Variants in FAM163A observed in about 807,000 individuals in gnomAD.
FAM163A encodes the protein family with sequence similarity 163 member A.
A neutral mutation model predicts 12.0 loss-of-function variants in FAM163A; 7 were observed. The ratio of observed to expected loss-of-function variants is 0.58; its 90% confidence interval spans 0.33 to 1.10. The LOEUF is 1.10. FAM163A is among the 50% of genes least tolerant of loss of function. The probability of loss-of-function intolerance (pLI) is 0.03; values close to 1 mark genes in which losing one functional copy is unlikely to be tolerated. For missense variants in FAM163A, 202 were observed against 218.6 expected, an observed-to-expected ratio of 0.92 and a Z score of 0.48; for synonymous variants, 101 against 91.0, an observed-to-expected ratio of 1.11 and a Z score of -0.62.
chr1:179,779,686 G>T (rs550722795), intron 1 of FAM163A, among the ~76,000 whole-genome samples: 1 of 152,174 alleles, frequency 6.6e-6, no homozygotes, highest in African/African-American at 2.4e-5. Flanking sequence ...GCTCATATGG[G>T]CTTTTTACTA....
At chr1:179,804,925 C>G (rs376484333) in intron 1 of FAM163A, among the ~76,000 whole-genome samples, 8 of 152,308 alleles carry the variant, frequency 5.3e-5, no homozygotes, top group African/African-American at 1.9e-4. Context: ...ACCTGTGTGA[C>G]AAACCTGCAC....
At chr1:179,732,686 A>C in the FAM163A span, among the ~76,000 whole-genome samples, 1 of 151,834 alleles carries the variant, frequency 6.6e-6, no homozygotes, top group African/African-American at 2.4e-5. Context: ...GCGGAGACCA[A>C]CCTGGGCAAC....
At chr1:179,765,651 A>G (rs1192218700) in intron 1 of FAM163A, among the ~76,000 whole-genome samples, 1 of 150,440 alleles carries the variant, frequency 6.6e-6, no homozygotes, top group Admixed American at 6.6e-5. Context: ...GTTAATAACA[A>G]CTGGTTAAGG....
the FAM163A span, among the ~76,000 whole-genome samples, chr1:179,736,109 T>C: frequency 2.6e-5 from 4 of 152,206 alleles, no homozygotes; most frequent in Non-Finnish European, 5.9e-5. Context: ...ATCTTCCTGA[T>C]ACTGGTTTTG....
the FAM163A span, among the ~76,000 whole-genome samples, chr1:179,735,735 C>T: frequency 3.3e-5 from 5 of 151,926 alleles, no homozygotes; most frequent in Non-Finnish European, 5.9e-5. Context: ...CATCTCCTGA[C>T]CTCGTGATCA....
At position 179,758,811 on chromosome 1, in the gene FAM163A, A is replaced by G. The variant is rs1686400379; in HGVS notation, c.-136+15388A>G. On this transcript the variant is annotated intron_variant, in intron 1 of 4. Transcript: ENST00000341785. ...CTGGGGCTGCCTCAGCCCCTTCCTT[A>G]GGACCCCCAGACTTCCCCACAGTCT... Among the ~76,000 whole-genome samples the G allele has an allele frequency of 2.0e-5, 3 of 152,242 alleles. No homozygotes were observed. In the South Asian group the frequency reaches 6.2e-4, roughly 32 times the overall value.
At chr1:179,811,841 G>C (rs1694748505) in intron 2 of FAM163A, among the ~76,000 whole-genome samples, 1 of 152,198 alleles carries the variant, frequency 6.6e-6, no homozygotes, top group Admixed American at 6.5e-5. Context: ...GGTCGGAGGA[G>C]AGGAGTCCAT....
intron 1 of FAM163A, among the ~76,000 whole-genome samples, chr1:179,764,676 G>A (rs61828398): frequency 0.11 from 17,362 of 152,106 alleles, 1,099 homozygotes; most frequent in Non-Finnish European, 0.13. Flanking sequence ...CTGCTTCAGA[G>A]AAACGGCTGT....
intron 1 of FAM163A, among the ~76,000 whole-genome samples, chr1:179,790,186 A>T (rs1571495509): frequency 6.7e-6 from 1 of 150,098 alleles, no homozygotes; most frequent in Admixed American, 6.6e-5. Context: ...TACTATTAAC[A>T]GGAGTGGGAA....
upstream of FAM163A, among the ~76,000 whole-genome samples, chr1:179,740,243 A>T (rs1683475543): frequency 6.6e-6 from 1 of 152,056 alleles, no homozygotes; most frequent in Non-Finnish European, 1.5e-5. Context: ...CGGTGGTTCA[A>T]TCCTAGCTTA....
At chr1:179,774,450 C>G (rs1210695101) in intron 1 of FAM163A, among the ~76,000 whole-genome samples, 1 of 152,172 alleles carries the variant, frequency 6.6e-6, no homozygotes, top group Non-Finnish European at 1.5e-5. Context: ...GGCAGAATTC[C>G]CTATGTGCTT....
At chr1:179,732,733 T>A in the FAM163A span, among the ~76,000 whole-genome samples, 1 of 151,530 alleles carries the variant, frequency 6.6e-6, no homozygotes, top group African/African-American at 2.4e-5. Context: ...ATACAAAAAT[T>A]AGCCAGGCGT....
At chr1:179,793,401 A>G (rs1691803505) in intron 1 of FAM163A, among the ~76,000 whole-genome samples, 1 of 152,230 alleles carries the variant, frequency 6.6e-6, no homozygotes, top group African/African-American at 2.4e-5. Flanking sequence ...TGCAAATCAG[A>G]AGGCTCATCA....
At chr1:179,803,148 G>A (rs1412845184) in intron 1 of FAM163A, among the ~76,000 whole-genome samples, 1 of 151,924 alleles carries the variant, frequency 6.6e-6, no homozygotes, top group Admixed American at 6.6e-5. Flanking sequence ...CAGGTAACAG[G>A]GAAAAAAACT....
intron 1 of FAM163A, among the ~76,000 whole-genome samples, chr1:179,772,495 T>C (rs939765071): frequency 6.6e-6 from 1 of 152,216 alleles, no homozygotes; most frequent in African/African-American, 2.4e-5. Context: ...ATGCACATTC[T>C]CAGGCCCCAT....
intron 1 of FAM163A, among the ~76,000 whole-genome samples, chr1:179,769,340 A>T (rs925330569): frequency 1.3e-5 from 2 of 150,710 alleles, no homozygotes; most frequent in African/African-American, 4.9e-5. Context: ...TTTTGTAGAG[A>T]TGGGATCTCA....
chr1:179,756,603 G>A (rs1216825251), intron 1 of FAM163A, among the ~76,000 whole-genome samples: 1 of 152,218 alleles, frequency 6.6e-6, no homozygotes, highest in Admixed American at 6.5e-5. Context: ...CAACGTCTAG[G>A]AGTCAACTGG....
At chr1:179,807,617 T>C (rs1694131048) in intron 1 of FAM163A, among the ~76,000 whole-genome samples, 181 bp from the exon 2 acceptor site, 1 of 152,224 alleles carries the variant, frequency 6.6e-6, no homozygotes, top group South Asian at 2.1e-4. Flanking sequence ...AGGTCTGTCC[T>C]CAGGTTCTTA....
In FAM163A at chr1:179,814,060, T is replaced by C; in HGVS notation, c.375T>C (p.Ala125=). The change falls in exon 5 of 5, where the codon GCT becomes GCC. Residue 125 remains alanine, a synonymous_variant. Transcript: ENST00000341785. ...NGGGGERLSF[A]PTYYKEGGPP... ...GTGGAGGCGAGAGGCTCTCCTTTGCTCCCACATACTACAAAGAGGGGGGAC... is the reference window on the plus strand; with the variant it reads ...GTGGAGGCGAGAGGCTCTCCTTTGCCCCCACATACTACAAAGAGGGGGGAC... 1 of 1,613,972 alleles carries C rather than the reference T, an allele frequency of 6.2e-7. No individual in the cohort carries two copies. Among genetic ancestry groups the C allele is most frequent in the Non-Finnish European group, 8.5e-7 (1 of 1,179,968 alleles).
Sources: allele counts gnomAD v4.1 joint callset (sites outside exome capture counted in the v4.1 genomes callset), GRCh38; gene constraint gnomAD v4.1.1; transcripts MANE v1.5; gene names NCBI Gene and HGNC (gene_info 2026-07-23, HGNC 2026-07-21).